EXOSC10: variants seen among roughly 807,000 people sequenced by gnomAD.
EXOSC10 encodes exosome component 10, also known as exosome complex component 10.
EXOSC10 carries 94 observed loss-of-function variants against 126.6 expected under a neutral mutation model. That is an observed-to-expected ratio of 0.74 (90% CI 0.63 to 0.88). The LOEUF is 0.88. EXOSC10 is among the 40% of genes least tolerant of loss of function. The pLI is 0.00. For synonymous variants in EXOSC10, 395 were observed against 400.8 expected (o/e 0.99, Z 0.17); for missense variants, 1,041 against 1,100.5 (o/e 0.95, Z 0.77).
At chr1:11,091,623 A>G in intron 3 of EXOSC10, 26 bp from the exon 4 acceptor site, 2 of 1,576,716 alleles carry the variant, frequency 1.3e-6, no homozygotes, top group Non-Finnish European at 1.7e-6. Context: ...GTACTGGTTA[A>G]GCATTTTTCC....
intron 22 of EXOSC10, among the ~76,000 whole-genome samples, chr1:11,069,244 T>TGTGTGTGTGAGAGAGAGAGAGAGAGAGA: frequency 8.6e-6 from 1 of 116,826 alleles, no homozygotes; most frequent in Non-Finnish European, 2.0e-5. Context: ...TGTGTGTGTG[T>TGTGTGTGTGAGAGAGAGAGAGAGAGAGA]GAGAGAGAGA....
intron 4 of EXOSC10, 46 bp downstream of exon 4, chr1:11,091,447 T>C (rs914839910): frequency 6.6e-7 from 1 of 1,510,754 alleles, no homozygotes; most frequent in East Asian, 2.3e-5. Flanking sequence ...AAATCTCTGT[T>C]ATGAAGCTGA....
In EXOSC10 at chr1:11,077,645, C is replaced by A. The variant is rs1639895508; in HGVS notation, c.1756G>T (p.Val586Phe). The change falls in exon 15 of 25, where the codon GTT becomes TTT. Residue 586 changes from valine (V) to phenylalanine (F), a missense_variant. Coordinates refer to ENST00000376936, the MANE Select transcript of EXOSC10 (RefSeq NM_001001998.3). ...CCGCTCTTCTTCACTCCGGCTGCAA[C>A]TTCAGACTAAGGAAAAAAACGAAGG... ...AREMPLLKSE[V>F]AAGVKKSGPL... The A allele has an allele frequency of 6.2e-7, 1 of 1,607,758 alleles. No individual in the cohort carries two copies. Among genetic ancestry groups the A allele is most frequent in the Admixed American group, 1.7e-5 (1 of 59,828 alleles).
intron 14 of EXOSC10, among the ~76,000 whole-genome samples, chr1:11,079,350 CA>C (rs919775002): frequency 1.8e-4 from 24 of 135,042 alleles, no homozygotes; most frequent in Admixed American, 4.5e-4. Context: ...AACAAACAAA[CA>C]AAAAAAAAAC....
intron 6 of EXOSC10, among the ~76,000 whole-genome samples, chr1:11,089,633 AAAAG>A (rs61290871): frequency 6.2e-4 from 92 of 148,884 alleles, no homozygotes; most frequent in East Asian, 2.1e-3. Context: ...AAAAAAAAAA[AAAAG>A]AAAGAAAGAA....
At chr1:11,073,782 G>A (rs973117843) in intron 19 of EXOSC10, 152 bp downstream of exon 19, 8 of 618,104 alleles carry the variant, frequency 1.3e-5, no homozygotes, top group Non-Finnish European at 2.2e-5. Flanking sequence ...TTGGGAGGCT[G>A]AGGCAGAACT....
At chr1:11,085,548 C>T (rs1307760436) in intron 9 of EXOSC10, among the ~76,000 whole-genome samples, 33 of 152,138 alleles carry the variant, frequency 2.2e-4, no homozygotes, top group Non-Finnish European at 5.9e-5. Context: ...TCTAGATATA[C>T]AATCATGTCA....
intron 5 of EXOSC10, 82 bp from the exon 6 acceptor site, chr1:11,090,750 GT>G: frequency 8.9e-7 from 1 of 1,124,080 alleles, no homozygotes; most frequent in Non-Finnish European, 1.3e-6. Context: ...GGTTCCCTTT[GT>G]TTTTTGGCTT....
At chr1:11,072,954 A>G (rs1345062382) in intron 19 of EXOSC10, 3 of 152,358 alleles carry the variant, frequency 2.0e-5, no homozygotes, top group African/African-American at 7.2e-5. Context: ...AAAACAAGCC[A>G]GATAAGTAAG....
In EXOSC10 at chr1:11,099,784, G is replaced by C. The variant is rs1397024950; in HGVS notation, c.48C>G (p.Ser16Arg). The part of the protein sequence containing the change: ...TREPRVLSAT[S>R]ATKSDGEMVL... ...CCATCTCTCCGTCGGATTTGGTTGC[G>C]CTGGTCGCCGACAGGACCCTGGGCT... The change falls in exon 1 of 25, where the codon AGC (serine) becomes AGG (arginine). Residue 16 changes from serine to arginine, a missense_variant. By Grantham distance (110) the Ser-to-Arg change is moderately radical. Transcript: ENST00000376936. 6.2e-7 allele frequency: 1 copy of C among 1,612,100 alleles called. No individual in the cohort carries two copies. Among genetic ancestry groups the C allele is most frequent in the South Asian group, 1.1e-5 (1 of 90,988 alleles).
chr1:11,089,293 T>G (rs1640667905), intron 6 of EXOSC10, among the ~76,000 whole-genome samples: 1 of 144,086 alleles, frequency 6.9e-6, no homozygotes, highest in Non-Finnish European at 1.5e-5. Context: ...CAGAGCAGTA[T>G]AGTATGGAGG....
chr1:11,081,316 G>A (rs375731326), intron 10 of EXOSC10, 78 bp from the exon 11 acceptor site: 2 of 1,500,378 alleles, frequency 1.3e-6, no homozygotes, highest in Non-Finnish European at 1.8e-6. Flanking sequence ...TGGGTGCTGG[G>A]ACTTCCTTAG....
chr1:11,077,370 G>C lies in EXOSC10; in HGVS notation c.1874C>G (p.Thr625Ser). The C allele has an allele frequency of 6.2e-7, 1 of 1,610,716 alleles. No individual in the cohort carries two copies. The highest frequency in any genetic ancestry group is 8.5e-7 in the Non-Finnish European group (1 of 1,177,210). ...AGGAGGGCTCTCGACTTTACCACTGGTTGGGATGATTGGATAGCCATCCGG... is the reference window on the plus strand; with the variant it reads ...AGGAGGGCTCTCGACTTTACCACTGCTTGGGATGATTGGATAGCCATCCGG... ...APPDGYPIIPTSGSVPVQKQA... is the reference protein window; with the variant it reads ...APPDGYPIIPSSGSVPVQKQA... Residue 625 changes from threonine (T) to serine (S), a missense_variant, in exon 16 of 25, where the codon ACC becomes AGC. Coordinates refer to ENST00000376936, the MANE Select transcript of EXOSC10 (RefSeq NM_001001998.3).
chr1:11,094,068 A>G (rs1039085197), intron 3 of EXOSC10, among the ~76,000 whole-genome samples: 78 of 152,148 alleles, frequency 5.1e-4, no homozygotes, highest in African/African-American at 1.7e-3. Flanking sequence ...TGACAGAGCA[A>G]GACTTCAGTA....
chr1:11,071,276 C>T (rs1458552540), intron 20 of EXOSC10: 3 of 377,676 alleles, frequency 7.9e-6, no homozygotes, highest in Non-Finnish European at 1.4e-5. Flanking sequence ...TCACCATCAC[C>T]ATCGTGGACA....
chr1:11,091,148 T>G lies in EXOSC10; in HGVS notation c.509A>C (p.Glu170Ala). Residue 170 changes from glutamate to alanine, a missense_variant, in exon 5 of 25, where the codon GAA becomes GCA. Glu to Ala is a moderately radical substitution (Grantham distance 107, BLOSUM62 -1). Coordinates refer to ENST00000376936, the MANE Select transcript of EXOSC10 (RefSeq NM_001001998.3). ...AAEYGKKAKS[E>A]TFRLLHAKNI... is the part of the protein sequence containing the mutation. The stretch of plus-strand genomic sequence containing the variant: ...TTTTGCATGAAGCAGCCGGAAAGTT[T>G]CAGATTTTGCTTTTTTGCCATATTC... The G allele has an allele frequency of 6.2e-7, 1 of 1,614,142 alleles. No individual in the cohort carries two copies. The highest frequency in any genetic ancestry group is 8.5e-7 in the Non-Finnish European group (1 of 1,180,012).
intron 14 of EXOSC10, 116 bp downstream of exon 14, chr1:11,079,595 T>G: frequency 1.3e-6 from 1 of 773,282 alleles, no homozygotes; most frequent in Non-Finnish European, 2.1e-6. Context: ...GGTTTCACCA[T>G]GTTGGCCAGG....
intron 2 of EXOSC10, among the ~76,000 whole-genome samples, chr1:11,097,689 G>A (rs979864231): frequency 2.0e-5 from 3 of 151,690 alleles, no homozygotes; most frequent in South Asian, 2.1e-4. Flanking sequence ...TCATGCCACC[G>A]CACTCCAGCC....
At chr1:11,074,865 A>AG (rs1010834104) in intron 17 of EXOSC10, among the ~76,000 whole-genome samples, 14 of 152,290 alleles carry the variant, frequency 9.2e-5, no homozygotes, top group African/African-American at 2.9e-4. Flanking sequence ...ATAGCCTATG[A>AG]GGTGGTATTA....
Sources: allele counts gnomAD v4.1 joint callset (sites outside exome capture counted in the v4.1 genomes callset), GRCh38; gene constraint gnomAD v4.1.1; transcripts MANE v1.5; gene names NCBI Gene and HGNC (gene_info 2026-07-23, HGNC 2026-07-21).